Variants in NR1H3 observed in about 807,000 individuals in gnomAD.
NR1H3 encodes the protein oxysterols receptor LXR-alpha.
NR1H3 carries 19 observed loss-of-function variants against 48.1 expected under a neutral mutation model. The observed-to-expected ratio is 0.40, with a 90% confidence interval of 0.28 to 0.58. The LOEUF is 0.58. Ranked by LOEUF, NR1H3 falls within the 20% of genes least tolerant of loss-of-function variation. The pLI, the probability that NR1H3 is intolerant of heterozygous loss-of-function variation, is 0.50. For synonymous variants in NR1H3, 232 were observed against 227.3 expected, an observed-to-expected ratio of 1.02 and a Z score of -0.19; for missense variants, 486 against 595.9, an observed-to-expected ratio of 0.82 and a Z score of 1.92.
intron 8 of NR1H3, 64 bp downstream of exon 8, chr11:47,268,090 A>G: frequency 9.6e-7 from 1 of 1,046,694 alleles, no homozygotes; most frequent in Non-Finnish European, 1.5e-6. Flanking sequence ...CAGGTCCCAC[A>G]GGAATCGGTG....
intron 1 of NR1H3, among the ~76,000 whole-genome samples, chr11:47,250,989 C>G (rs184654060): frequency 6.6e-6 from 1 of 152,160 alleles, no homozygotes; most frequent in African/African-American, 2.4e-5. Flanking sequence ...GAAACCCCAT[C>G]TCTACTAAAA....
chr11:47,254,012 G>T (rs1417543690), upstream of NR1H3, among the ~76,000 whole-genome samples: 1 of 152,204 alleles, frequency 6.6e-6, no homozygotes, highest in Non-Finnish European at 1.5e-5. Flanking sequence ...ACAGGTTTTG[G>T]TCTTCTCCCA....
Position 47,261,633 on chromosome 11 carries a change from G to A in NR1H3, c.795G>A (p.Val265=), listed in dbSNP as rs1955880714. The A allele has an allele frequency of 1.9e-6, 3 of 1,614,122 alleles. No individual in the cohort carries two copies. The highest frequency in any genetic ancestry group is 2.5e-6 in the Non-Finnish European group (3 of 1,180,054). The change falls in exon 6 of 10, where the codon GTG becomes GTA. Residue 265 remains valine, a synonymous_variant. Coordinates refer to ENST00000441012, the MANE Select transcript of NR1H3 (RefSeq NM_005693.4). ...TCACTGAGCTGGCCATCGTCTCTGT[G>A]CAGGAGATAGTTGACTTTGCTAAAC... ...AHFTELAIVS[V]QEIVDFAKQL...
Position 47,261,287 on chromosome 11 carries a change from A to G in NR1H3, c.546A>G (p.Gln182=), listed in dbSNP as rs868090571. ...EQIRLKKLKR[Q]EEEQAHATSL... The stretch of plus-strand genomic sequence containing the variant: ...TCCGCCTGAAGAAACTGAAGCGGCA[A>G]GAGGAGGAACAGGCTCATGCCACAT... Residue 182 remains glutamine, a synonymous_variant, in exon 5 of 10, where the codon CAA becomes CAG. Coordinates refer to ENST00000441012, the MANE Select transcript of NR1H3 (RefSeq NM_005693.4). The G allele has an allele frequency of 6.2e-7, 1 of 1,613,968 alleles. No homozygotes were observed. Among genetic ancestry groups the G allele is most frequent in the Non-Finnish European group, 8.5e-7 (1 of 1,179,986 alleles).
At chr11:47,255,615 C>CTTTCTT (rs1319335153), upstream of NR1H3, among the ~76,000 whole-genome samples, 60 of 93,188 alleles carry the variant, frequency 6.4e-4, no homozygotes, top group African/African-American at 2.4e-3. Context: ...CTCTCTCTCT[C>CTTTCTT]TCTTTCTTTC....
Position 47,268,645 on chromosome 11 carries a change from G to A in NR1H3, c.1293G>A (p.Gln431=). The change falls in exon 10 of 10, where the codon CAG becomes CAA. Residue 431 remains glutamine, a synonymous_variant. Coordinates refer to ENST00000441012, the MANE Select transcript of NR1H3 (RefSeq NM_005693.4). ...HSEQVFALRL[Q]DKKLPPLLSE... ...AGCAAGTGTTTGCACTGCGTCTGCA[G>A]GACAAAAAGCTCCCACCGCTGCTCT... 1 of 1,614,140 alleles carries A rather than the reference G, an allele frequency of 6.2e-7. No individual in the cohort carries two copies. Among genetic ancestry groups the A allele is most frequent in the Non-Finnish European group, 8.5e-7 (1 of 1,180,022 alleles).
At chr11:47,251,158 C>CAA (rs371757732) in intron 1 of NR1H3, among the ~76,000 whole-genome samples, 319 of 143,528 alleles carry the variant, frequency 2.2e-3, no homozygotes, top group African/African-American at 7.9e-3. Context: ...GACTCCGTCT[C>CAA]AAAAAAAAAA....
intron 1 of NR1H3, among the ~76,000 whole-genome samples, chr11:47,251,153 C>G (rs1257917917): frequency 6.7e-6 from 1 of 149,386 alleles, no homozygotes; most frequent in Non-Finnish European, 1.5e-5. Flanking sequence ...AGCAAGACTC[C>G]GTCTCAAAAA....
chr11:47,252,296 T>C (rs567481437), intron 1 of NR1H3, among the ~76,000 whole-genome samples: 1 of 152,062 alleles, frequency 6.6e-6, no homozygotes, highest in South Asian at 2.1e-4. Context: ...AGTTTTGCTC[T>C]TGTTGCCCAG....
chr11:47,248,424 A>T (rs1954304200), upstream of NR1H3: 1 of 1,535,948 alleles, frequency 6.5e-7, no homozygotes, highest in Non-Finnish European at 8.7e-7. Flanking sequence ...AGATAACCAA[A>T]GGCTTCTTTA....
upstream of NR1H3, chr11:47,248,508 C>G (rs1176260877): frequency 6.4e-7 from 1 of 1,551,018 alleles, no homozygotes; most frequent in Non-Finnish European, 8.7e-7. Context: ...GTCATCCTGA[C>G]TCCCATAAGC....
chr11:47,249,095 A>G, intron 1 of NR1H3: 1 of 1,220,774 alleles, frequency 8.2e-7, no homozygotes, highest in South Asian at 1.6e-5. Flanking sequence ...GAAATCCCTT[A>G]CCAAGGTGGC....
chr11:47,249,336 G>A (rs1311717263), intron 1 of NR1H3, among the ~76,000 whole-genome samples: 2 of 152,148 alleles, frequency 1.3e-5, no homozygotes, highest in African/African-American at 2.4e-5. Context: ...GTGTCCTTGA[G>A]GTTGCCCCAG....
At chr11:47,253,741 G>A (rs1244292169), upstream of NR1H3, among the ~76,000 whole-genome samples, 1 of 152,194 alleles carries the variant, frequency 6.6e-6, no homozygotes, top group Non-Finnish European at 1.5e-5. Flanking sequence ...TGGAGGTTCT[G>A]GGGGGCCAGA....
intron 3 of NR1H3, 127 bp downstream of exon 3, chr11:47,260,106 C>A: frequency 1.1e-6 from 1 of 883,686 alleles, no homozygotes; most frequent in Middle Eastern, 3.4e-4. Context: ...TTAGAGCTAA[C>A]TAAATCTGAC....
chr11:47,249,040 ATC>A, intron 1 of NR1H3: 4 of 1,446,878 alleles, frequency 2.8e-6, no homozygotes, highest in Non-Finnish European at 3.6e-6. Flanking sequence ...CGAAGACCTC[ATC>A]TTGATTAAGA....
intron 7 of NR1H3, among the ~76,000 whole-genome samples, chr11:47,264,698 A>G (rs1176735198): frequency 6.6e-6 from 1 of 152,172 alleles, no homozygotes; most frequent in Non-Finnish European, 1.5e-5. Flanking sequence ...TCATAGATTT[A>G]TTTATACAAG....
chr11:47,249,259 C>T (rs551826979), intron 1 of NR1H3, among the ~76,000 whole-genome samples: 1 of 152,046 alleles, frequency 6.6e-6, no homozygotes, highest in Non-Finnish European at 1.5e-5. Flanking sequence ...AGCCCTGGCC[C>T]TGTTCTCCAG....
intron 1 of NR1H3, 80 bp downstream of exon 1, chr11:47,258,209 G>A (rs943564431): frequency 1.3e-5 from 13 of 985,624 alleles, no homozygotes; most frequent in Non-Finnish European, 1.6e-5. Flanking sequence ...AAGGATCTGA[G>A]AAGGGGGTTT....
Sources: gnomAD v4.1 joint callset for allele counts (sites outside exome capture counted in the v4.1 genomes callset) on GRCh38, gnomAD v4.1.1 for gene constraint, MANE v1.5 for transcripts, NCBI Gene and HGNC (gene_info 2026-07-23, HGNC 2026-07-21) for gene names.